MYH11: variants seen among roughly 807,000 people sequenced by gnomAD.
MYH11 encodes the protein myosin heavy chain 11.
MYH11 carries 80 observed loss-of-function variants against 246.6 expected under a neutral mutation model. That is an observed-to-expected ratio of 0.32 (90% CI 0.27 to 0.39). The LOEUF (loss-of-function observed/expected upper bound fraction) is 0.39. MYH11 is among the 10% of genes least tolerant of loss of function. The pLI, the probability that MYH11 is intolerant of heterozygous loss-of-function variation, is 1.00. For synonymous variants in MYH11, 1,071 were observed against 1,015.5 expected, an observed-to-expected ratio of 1.05 and a Z score of -1.04; for missense variants, 2,158 against 2,546.8, an observed-to-expected ratio of 0.85 and a Z score of 3.29.
intron 3 of MYH11, among the ~76,000 whole-genome samples, chr16:15,801,985 A>G (rs2042898469): frequency 6.6e-6 from 1 of 152,080 alleles, no homozygotes. Context: ...AAAAACCAAC[A>G]AACAGGCCTG....
At chr16:15,812,038 T>C (rs558721896) in intron 3 of MYH11, among the ~76,000 whole-genome samples, 1 of 152,314 alleles carries the variant, frequency 6.6e-6, no homozygotes, top group African/African-American at 2.4e-5. Flanking sequence ...CGTTCATTTA[T>C]TGAACTTAGC....
At chr16:15,743,006 T>C (rs2041318188) in intron 20 of MYH11, among the ~76,000 whole-genome samples, 1 of 151,188 alleles carries the variant, frequency 6.6e-6, no homozygotes, top group South Asian at 2.1e-4. Flanking sequence ...GTCTTTTTTT[T>C]TTTTTTTTTT....
chr16:15,746,430 C>T (rs1298193882), intron 19 of MYH11, among the ~76,000 whole-genome samples: 1 of 152,140 alleles, frequency 6.6e-6, no homozygotes, highest in Non-Finnish European at 1.5e-5. Flanking sequence ...AGGACAGCAA[C>T]AGGGAACTTA....
chr16:15,834,230 AAT>A (rs2043829269), intron 2 of MYH11, among the ~76,000 whole-genome samples: 1 of 152,202 alleles, frequency 6.6e-6, no homozygotes, highest in African/African-American at 2.4e-5. Flanking sequence ...CCTCTTTAGA[AAT>A]ATCCAACATA....
At chr16:15,739,910 C>A (rs1312821029) in intron 23 of MYH11, 141 bp downstream of exon 23, 1 of 891,792 alleles carries the variant, frequency 1.1e-6, no homozygotes, top group African/African-American at 1.7e-5. Flanking sequence ...CCTGGCTAAT[C>A]TTTGTATTTT....
intron 9 of MYH11, among the ~76,000 whole-genome samples, chr16:15,765,877 A>G (rs1040311898): frequency 5.9e-5 from 9 of 152,176 alleles, no homozygotes; most frequent in Admixed American, 1.3e-4. Context: ...ACAGTTTTAA[A>G]AGTGTCAATT....
intron 31 of MYH11, 23 bp downstream of exon 31, chr16:15,724,138 G>C (rs7193920): frequency 3.1e-6 from 5 of 1,611,938 alleles, no homozygotes; most frequent in Non-Finnish European, 3.4e-6. Flanking sequence ...TGGCCAGAGT[G>C]GGGGACACCC....
chr16:15,798,867 A>G (rs1039558458), intron 3 of MYH11, among the ~76,000 whole-genome samples, 180 bp from the exon 4 acceptor site: 8 of 152,182 alleles, frequency 5.3e-5, no homozygotes, highest in African/African-American at 1.9e-4. Context: ...CCAAAGCCAA[A>G]AGGGCAGCCC....
chr16:15,725,920 GGTACAAGCTCCCCCTCCAACCCCACTCT>G (rs2040730434), intron 28 of MYH11: 1 of 378,748 alleles, frequency 2.6e-6, no homozygotes, highest in Non-Finnish European at 4.7e-6. Context: ...ACATCATCTG[GGTACAAGCTCCCCCTCCAACCCCACTCT>G]GTACTATCTC....
chr16:15,819,490 T>TTATAGAACCACCAACCC (rs2043348068), intron 3 of MYH11, among the ~76,000 whole-genome samples: 1 of 152,114 alleles, frequency 6.6e-6, no homozygotes, highest in African/African-American at 2.4e-5. Context: ...CATTAGACTC[T>TTATAGAACCACCAACCC]TATAGAACCA....
At chr16:15,741,077 A>G (rs544244322) in intron 22 of MYH11, 3 of 361,518 alleles carry the variant, frequency 8.3e-6, no homozygotes, top group South Asian at 7.0e-5. Flanking sequence ...CTTGACTGCA[A>G]CCTCAGGCCG....
Position 15,715,646 on chromosome 16 carries a change from G to C in MYH11, c.5505-374C>G, listed in dbSNP as rs577472769. Among the ~76,000 whole-genome samples the C allele has an allele frequency of 3.2e-4, 49 of 152,156 alleles. 1 individual carries two copies. In the South Asian group the frequency reaches 7.5e-3, roughly 23 times the overall value. On this transcript the variant is annotated intron_variant, in intron 38 of 40. Transcript: ENST00000300036. ...TTTCTATTTTTTTTGCGGGGAGGAG[G>C]CAAGGTCTTGCTGTGTGACCCAGGT...
intron 40 of MYH11, among the ~76,000 whole-genome samples, chr16:15,712,717 T>G (rs1180448238): frequency 6.6e-6 from 1 of 151,572 alleles, no homozygotes; most frequent in Non-Finnish European, 1.5e-5. Flanking sequence ...GTGTGGATGG[T>G]GTCGGGGAAG....
rs2151259967 is a variant in MYH11, at chr16:15,747,606, G to A, written c.2375C>T (p.Ala792Val). The change falls in exon 19 of 41, where the codon GCC becomes GTC. Residue 792 changes from alanine to valine, a missense_variant. Ala to Val is a moderately conservative substitution (Grantham distance 64, BLOSUM62 0). This residue lies in a region of MYH11 where 90 missense variants were observed against 144.2 expected (regional missense o/e 0.62). Coordinates refer to ENST00000300036, the MANE Select transcript of MYH11 (RefSeq NM_002474.3). ...RDLKITDVIM[A>V]FQAMCRGYLA... ...GTAGCCACGACACATCGCCTGGAAG[G>A]CCATGATGACATCGGTGATCTTCAA... The A allele has an allele frequency of 6.2e-7, 1 of 1,614,118 alleles. No individual in the cohort carries two copies. The highest frequency in any genetic ancestry group is 8.5e-7 in the Non-Finnish European group (1 of 1,180,018).
chr16:15,756,476 T>C lies in MYH11; in HGVS notation c.1614A>G (p.Glu538=), dbSNP rs1403181209. The C allele has an allele frequency of 2.5e-6, 4 of 1,614,034 alleles. No individual in the cohort carries two copies. Among genetic ancestry groups the C allele is most frequent in the Non-Finnish European group, 3.4e-6 (4 of 1,180,030 alleles). The change falls in exon 14 of 41, where the codon GAA becomes GAG. Residue 538 remains glutamate (E), a synonymous_variant. Coordinates refer to ENST00000300036, the MANE Select transcript of MYH11 (RefSeq NM_002474.3). The part of the protein sequence containing the change: ...PPGVLALLDE[E]CWFPKATDKS... Reference sequence around the variant, plus strand: ...TGTCCGTGGCTTTGGGGAACCAGCATTCCTCGTCCAGCAGGGCCAGCACAC... The same window carrying C: ...TGTCCGTGGCTTTGGGGAACCAGCACTCCTCGTCCAGCAGGGCCAGCACAC...
intron 40 of MYH11, among the ~76,000 whole-genome samples, chr16:15,705,984 C>CAAAAAAAAAAAAAAAAAAAAAA (rs57451847): frequency 1.9e-4 from 11 of 56,758 alleles, no homozygotes; most frequent in African/African-American, 3.4e-4. Flanking sequence ...GACTCCGTCT[C>CAAAAAAAAAAAAAAAAAAAAAA]AAAAAAAAAA....
intron 1 of MYH11, among the ~76,000 whole-genome samples, chr16:15,847,844 G>A (rs1309635604): frequency 3.9e-5 from 6 of 152,102 alleles, no homozygotes; most frequent in African/African-American, 7.2e-5. Flanking sequence ...GAGAAGCTTC[G>A]ACTCATGCTA....
chr16:15,715,411 A>AAT, intron 38 of MYH11, 139 bp from the exon 39 acceptor site: 2 of 768,016 alleles, frequency 2.6e-6, no homozygotes, highest in Non-Finnish European at 4.6e-6. Flanking sequence ...CAGATGGTGG[A>AAT]ATAGTATTCA....
chr16:15,736,489 T>C lies in MYH11; in HGVS notation c.3294-911A>G, dbSNP rs548555728. On this transcript the variant is annotated intron_variant, in intron 25 of 40. Transcript: ENST00000300036. ...GGACAGGGTCTTGCTATGTTGCCCA[T>C]GTTGGTCTCAAACTGCTGGCCTCAA... Among the ~76,000 whole-genome samples, 6 of 152,236 alleles carry C rather than the reference T, an allele frequency of 3.9e-5. No individual in the cohort carries two copies. In the East Asian group the frequency reaches 1.2e-3, roughly 29 times the overall value.
Sources: gnomAD v4.1 joint callset for allele counts (sites outside exome capture counted in the v4.1 genomes callset) on GRCh38, gnomAD v4.1.1 for gene constraint, gnomAD v4.1.1 regional missense constraint, MANE v1.5 for transcripts, NCBI Gene and HGNC (gene_info 2026-07-23, HGNC 2026-07-21) for gene names.